FAM13B: variants seen among roughly 807,000 people sequenced by gnomAD.
FAM13B encodes the protein protein FAM13B.
A neutral mutation model predicts 117.3 loss-of-function variants in FAM13B; 60 were observed. That is an observed-to-expected ratio of 0.51 (90% confidence interval 0.42 to 0.63). The LOEUF (loss-of-function observed/expected upper bound fraction) is 0.63. Ranked by LOEUF, FAM13B falls within the 30% of genes least tolerant of loss-of-function variation. The pLI, the probability that FAM13B is intolerant of heterozygous loss-of-function variation, is 0.00. For synonymous variants in FAM13B, 332 were observed against 356.1 expected (o/e 0.93, Z 0.76); for missense variants, 972 against 1,091.9 (o/e 0.89, Z 1.55).
intron 1 of FAM13B, among the ~76,000 whole-genome samples, chr5:138,048,377 C>T (rs756914692): frequency 6.6e-6 from 1 of 152,192 alleles, no homozygotes; most frequent in Non-Finnish European, 1.5e-5. Flanking sequence ...ATAATTGTTA[C>T]TTATAGTGGA....
At chr5:138,010,332 G>A (rs1217118194) in intron 6 of FAM13B, among the ~76,000 whole-genome samples, 1 of 152,188 alleles carries the variant, frequency 6.6e-6, no homozygotes, top group Non-Finnish European at 1.5e-5. Context: ...GGGGCCAGGT[G>A]TGGTGGCTAA....
chr5:138,016,364 T>C (rs1785258792), intron 4 of FAM13B, among the ~76,000 whole-genome samples: 1 of 152,164 alleles, frequency 6.6e-6, no homozygotes, highest in Non-Finnish European at 1.5e-5. Flanking sequence ...CCCAGTGCTT[T>C]GGGAAACTGA....
At chr5:138,028,965 G>C (rs925224859) in intron 1 of FAM13B, among the ~76,000 whole-genome samples, 3 of 152,178 alleles carry the variant, frequency 2.0e-5, no homozygotes, top group Non-Finnish European at 4.4e-5. Context: ...GTTGCAGTGA[G>C]CCGAGATCGC....
intron 7 of FAM13B, among the ~76,000 whole-genome samples, chr5:137,997,642 C>T (rs769107968): frequency 6.6e-6 from 1 of 152,042 alleles, no homozygotes; most frequent in Non-Finnish European, 1.5e-5. Context: ...ACACCCCAAA[C>T]TCCACCATTT....
chr5:138,025,312 TA>T (rs772439031), intron 1 of FAM13B, among the ~76,000 whole-genome samples: 13,499 of 77,688 alleles, frequency 0.17, 2,120 homozygotes, highest in Non-Finnish European at 0.25. Flanking sequence ...TATATATATG[TA>T]TTTTTTTTTT....
chr5:138,042,546 T>C (rs1418806972), intron 1 of FAM13B, among the ~76,000 whole-genome samples: 1 of 152,180 alleles, frequency 6.6e-6, no homozygotes, highest in Non-Finnish European at 1.5e-5. Flanking sequence ...TTAAGTTTTT[T>C]CTTTAATTGA....
At chr5:138,047,770 G>A (rs1791684598) in intron 1 of FAM13B, among the ~76,000 whole-genome samples, 1 of 152,172 alleles carries the variant, frequency 6.6e-6, no homozygotes, top group Admixed American at 6.5e-5. Flanking sequence ...GTGAATGGAG[G>A]CCATGAACCA....
At chr5:138,042,047 G>A (rs1467913537) in intron 1 of FAM13B, among the ~76,000 whole-genome samples, 5 of 152,106 alleles carry the variant, frequency 3.3e-5, no homozygotes, top group African/African-American at 9.7e-5. Flanking sequence ...CACAACAGGG[G>A]AAGACCCTGA....
Position 137,954,318 on chromosome 5 carries a change from C to T in FAM13B, c.1566G>A (p.Leu522=). The T allele has an allele frequency of 1.2e-6, 2 of 1,614,028 alleles. No homozygotes were observed. Among genetic ancestry groups the T allele is most frequent in the Non-Finnish European group, 1.7e-6 (2 of 1,179,992 alleles). ...QEDSESGEAQ[L]SPQAGRMNHH... Reference sequence around the variant, plus strand: ...GATTCATTCTTCCAGCTTGTGGAGACAGCTGAGCTTCTCCAGACTCAGAGT... The same window carrying T: ...GATTCATTCTTCCAGCTTGTGGAGATAGCTGAGCTTCTCCAGACTCAGAGT... The change falls in exon 15 of 24, where the codon CTG becomes CTA. Residue 522 remains leucine (L), a synonymous_variant. Transcript: ENST00000689681.
At chr5:137,966,488 T>TATATAGAGAGAGAGAGAGAG (rs1461425784) in intron 10 of FAM13B, among the ~76,000 whole-genome samples, 3 of 29,480 alleles carry the variant, frequency 1.0e-4, no homozygotes, top group Non-Finnish European at 1.2e-4. Flanking sequence ...TATATATATA[T>TATATAGAGAGAGAGAGAGAG]AGAGAGAGAG....
chr5:138,029,768 A>G (rs1442829471), intron 1 of FAM13B, among the ~76,000 whole-genome samples: 2 of 152,256 alleles, frequency 1.3e-5, no homozygotes, highest in Admixed American at 6.5e-5. Context: ...AATTGTAAAG[A>G]GCAGCAGCTT....
intron 1 of FAM13B, among the ~76,000 whole-genome samples, chr5:138,045,902 A>G (rs1029983066): frequency 1.3e-5 from 2 of 151,242 alleles, no homozygotes; most frequent in Admixed American, 6.6e-5. Context: ...CCAAGATGGC[A>G]CCACTGCACT....
intron 20 of FAM13B, 74 bp from the exon 21 acceptor site, chr5:137,943,290 T>C (rs1762401003): frequency 2.6e-6 from 3 of 1,156,766 alleles, no homozygotes; most frequent in Middle Eastern, 2.8e-4. Flanking sequence ...CCCTTCATTA[T>C]GTTACGAATC....
intron 6 of FAM13B, 110 bp downstream of exon 6, chr5:138,010,898 C>G (rs1783807916): frequency 2.6e-6 from 3 of 1,138,440 alleles, no homozygotes; most frequent in Non-Finnish European, 3.5e-6. Context: ...ATAATTACTT[C>G]CAGGTCAGAT....
intron 4 of FAM13B, among the ~76,000 whole-genome samples, chr5:138,014,037 A>C (rs1784688221): frequency 6.6e-6 from 1 of 152,140 alleles, no homozygotes; most frequent in East Asian, 1.9e-4. Flanking sequence ...CCCAGGCCCA[A>C]GCGATCCTCC....
Position 138,032,874 on chromosome 5 carries a change from C to G in FAM13B, c.-295G>C, listed in dbSNP as rs1157353275. The G allele has an allele frequency of 2.0e-6, 2 of 985,602 alleles. No homozygotes were observed. Among genetic ancestry groups the G allele is most frequent in the African/African-American group, 3.5e-5 (2 of 57,248 alleles). The allele number at this position is 985,602 out of a possible 1,614,324, so 61.1% of individuals were successfully genotyped here. On this transcript the variant is annotated 5_prime_UTR_variant, in exon 1 of 24. Transcript: ENST00000689681. ...GGGCGAGAACTGAGGCCCCAAGTGGCTCCGCGGCCGAGAAGCCTCTTCCTG... is the reference window on the plus strand; with the variant it reads ...GGGCGAGAACTGAGGCCCCAAGTGGGTCCGCGGCCGAGAAGCCTCTTCCTG...
chr5:137,992,158 C>T (rs1778758848), intron 7 of FAM13B, among the ~76,000 whole-genome samples: 2 of 151,964 alleles, frequency 1.3e-5, no homozygotes, highest in Admixed American at 1.3e-4. Context: ...GTGATCCTCC[C>T]GCCTCAGCTT....
At chr5:137,992,261 T>A (rs1486105064) in intron 7 of FAM13B, among the ~76,000 whole-genome samples, 1 of 151,168 alleles carries the variant, frequency 6.6e-6, no homozygotes, top group Non-Finnish European at 1.5e-5. Context: ...TAAAACCTAT[T>A]TTTAATATAA....
intron 10 of FAM13B, among the ~76,000 whole-genome samples, chr5:137,969,940 C>T (rs1771513299): frequency 1.3e-5 from 2 of 152,038 alleles, no homozygotes; most frequent in Non-Finnish European, 2.9e-5. Context: ...AGCAAAGCCT[C>T]CAAGAAATAT....
Sources: allele counts gnomAD v4.1 joint callset (sites outside exome capture counted in the v4.1 genomes callset), GRCh38; gene constraint gnomAD v4.1.1; transcripts MANE v1.5; gene names NCBI Gene and HGNC (gene_info 2026-07-23, HGNC 2026-07-21).